ARID1A: variants seen among roughly 807,000 people sequenced by gnomAD.
ARID1A encodes AT-rich interactive domain-containing protein 1A.
Under a neutral mutation model 212.6 loss-of-function variants are expected in ARID1A, and 20 were observed. That is an observed-to-expected ratio of 0.09 (90% CI 0.07 to 0.14). ARID1A has a LOEUF of 0.14. Ranked by LOEUF, ARID1A falls within the 10% of genes least tolerant of loss-of-function variation. The probability of loss-of-function intolerance (pLI) is 1.00; values close to 1 mark genes in which losing one functional copy is unlikely to be tolerated. For missense variants in ARID1A, 2,587 were observed against 3,059.0 expected, an observed-to-expected ratio of 0.85 and a Z score of 3.64; for synonymous variants, 1,376 against 1,222.1, an observed-to-expected ratio of 1.13 and a Z score of -2.63.
chr1:26,733,530 T>A (rs76306464), intron 4 of ARID1A, among the ~76,000 whole-genome samples: 1 of 152,338 alleles, frequency 6.6e-6, no homozygotes, highest in East Asian at 1.9e-4. Flanking sequence ...TTTGTAATCA[T>A]CGCCTCAGAG....
chr1:26,754,029 A>G (rs1307143041), intron 4 of ARID1A, among the ~76,000 whole-genome samples: 1 of 152,064 alleles, frequency 6.6e-6, no homozygotes, highest in Non-Finnish European at 1.5e-5. Flanking sequence ...GGATGGTCTC[A>G]GTCTCCTGAC....
intron 1 of ARID1A, among the ~76,000 whole-genome samples, chr1:26,722,313 T>C (rs1389528082): frequency 1.3e-5 from 2 of 152,182 alleles, no homozygotes; most frequent in African/African-American, 4.8e-5. Context: ...TGGTGTGATC[T>C]CTGCTCACTA....
Position 26,780,504 on chromosome 1 carries a change from C to T in ARID1A, c.6606C>T (p.Ser2202=), listed in dbSNP as rs1277545892. 2 of 1,614,110 alleles carry T rather than the reference C, an allele frequency of 1.2e-6. No homozygotes were observed. The highest frequency in any genetic ancestry group is 1.3e-5 in the African/African-American group (1 of 74,942). ...IGNLLGFLED[S]LAATQFQQSQ... ...ACCTCCTGGGCTTCCTAGAGGACAG[C>T]CTTGCCGCCACACAGTTCCAGCAGA... is the stretch of plus-strand genomic sequence containing the variant. Residue 2202 remains serine, a synonymous_variant, in exon 20 of 20, where the codon AGC becomes AGT. Transcript: ENST00000324856. This position sits in a 1 kb window ranked among gnomAD's most constrained non-coding sequence, Gnocchi z 7.2.
At chr1:26,776,036 G>C (rs2081131784) in intron 19 of ARID1A, 2 of 406,494 alleles carry the variant, frequency 4.9e-6, no homozygotes, top group Admixed American at 3.2e-5. Flanking sequence ...TTTTTTAATA[G>C]AGACGAGGTC....
chr1:26,759,172 A>T (rs2080968164), intron 4 of ARID1A, among the ~76,000 whole-genome samples: 1 of 152,022 alleles, frequency 6.6e-6, no homozygotes, highest in Non-Finnish European at 1.5e-5. Context: ...CCTCCTTGAG[A>T]TGTGTGGTGT....
chr1:26,717,177 A>G (rs2080511720), intron 1 of ARID1A, among the ~76,000 whole-genome samples: 1 of 152,138 alleles, frequency 6.6e-6, no homozygotes, highest in South Asian at 2.1e-4. Flanking sequence ...GGTGCTTGAG[A>G]CTTGGACTGG....
intron 1 of ARID1A, among the ~76,000 whole-genome samples, chr1:26,723,461 G>A (rs2080585265): frequency 6.6e-6 from 1 of 152,186 alleles, no homozygotes; most frequent in Admixed American, 6.5e-5. Context: ...GTGCTGGCGG[G>A]GCCATGTGGC....
At position 26,729,788 on chromosome 1, in the gene ARID1A, G is replaced by T. The variant is rs2080655407; in HGVS notation, c.1275G>T (p.Gln425His). 1 of 1,614,128 alleles carries T rather than the reference G, an allele frequency of 6.2e-7. No individual in the cohort carries two copies. The highest frequency in any genetic ancestry group is 1.3e-5 in the African/African-American group (1 of 74,952). ...HGYPGQPYGS[Q>H]TPQRYPMTMQ... ...ACCCAGGGCAGCCATACGGGTCCCAGACCCCGCAGCGGTACCCGATGACCA... is the reference window on the plus strand; with the variant it reads ...ACCCAGGGCAGCCATACGGGTCCCATACCCCGCAGCGGTACCCGATGACCA... The change falls in exon 2 of 20, where the codon CAG (glutamine) becomes CAT (histidine). Residue 425 changes from glutamine (Q) to histidine (H), a missense_variant. Gln to His is a conservative substitution (Grantham distance 24). Transcript: ENST00000324856.
chr1:26,766,287 G>A lies in ARID1A; in HGVS notation c.2799G>A (p.Gly933=), dbSNP rs374337987. Reference sequence around the variant, plus strand: ...GAACTGGACCTCCTTATGGACAAGGGATTAATAGTATGGCTGGCATGATCA... The same window carrying A: ...GAACTGGACCTCCTTATGGACAAGGAATTAATAGTATGGCTGGCATGATCA... ...MMGTGPPYGQ[G]INSMAGMINP... The change falls in exon 9 of 20, where the codon GGG becomes GGA. Residue 933 remains glycine, a synonymous_variant. Transcript: ENST00000324856. 6.2e-7 allele frequency: 1 copy of A among 1,614,168 alleles called. No homozygotes were observed. Among genetic ancestry groups the A allele is most frequent in the East Asian group, 2.2e-5 (1 of 44,884 alleles).
At chr1:26,768,853 A>G (rs1008093473) in intron 11 of ARID1A, among the ~76,000 whole-genome samples, 1 of 152,144 alleles carries the variant, frequency 6.6e-6, no homozygotes, top group African/African-American at 2.4e-5. Context: ...CTGCTGTTGG[A>G]TCAGTTTGTG....
rs1239257150 is a variant in ARID1A, at chr1:26,772,842, C to G, written c.3570C>G (p.Ala1190=). ...SRSNSVGIQD[A]FNDGSDSTFQ... ...GCAATTCAGTTGGGATCCAGGATGC[C>G]TTTAATGATGGAAGTGACTCCACAT... Residue 1190 remains alanine (A), a synonymous_variant, in exon 14 of 20, where the codon GCC becomes GCG. Transcript: ENST00000324856. 14 of 1,614,118 alleles carry G rather than the reference C, an allele frequency of 8.7e-6. No individual in the cohort carries two copies. In the East Asian group the frequency reaches 3.1e-4, roughly 36 times the overall value.
intron 1 of ARID1A, among the ~76,000 whole-genome samples, chr1:26,715,192 G>A (rs1472408701): frequency 6.6e-6 from 1 of 152,048 alleles, no homozygotes; most frequent in Admixed American, 6.6e-5. Context: ...TTGTTTATTT[G>A]TTTGTTTGTT....
intron 1 of ARID1A, among the ~76,000 whole-genome samples, chr1:26,723,106 C>T (rs1180388334): frequency 6.6e-6 from 1 of 152,008 alleles, no homozygotes. Flanking sequence ...GGATAAGGGG[C>T]GTTAGATACA....
intron 7 of ARID1A, among the ~76,000 whole-genome samples, 154 bp from the exon 8 acceptor site, chr1:26,762,819 C>A (rs556084881): frequency 6.6e-6 from 1 of 152,132 alleles, no homozygotes; most frequent in Non-Finnish European, 1.5e-5. Context: ...CTTCTGGAAT[C>A]CCCCCCTTTT....
Position 26,775,660 on chromosome 1 carries a change from A to G in ARID1A, c.5077A>G (p.Ile1693Val), listed in dbSNP as rs2124126921. 1 of 1,614,214 alleles carries G rather than the reference A, an allele frequency of 6.2e-7. No individual in the cohort carries two copies. The highest frequency in any genetic ancestry group is 8.5e-7 in the Non-Finnish European group (1 of 1,180,040). ...CACATGGGCATTAGATACCATCAAC[A>G]TCCTGCTGTATGATGACAACAGCAT... ...ESTWALDTINILLYDDNSIMT... is the reference protein window; with the variant it reads ...ESTWALDTINVLLYDDNSIMT... Residue 1693 changes from isoleucine (I) to valine (V), a missense_variant, in exon 19 of 20, where the codon ATC becomes GTC. Physicochemically the swap from Ile to Val is conservative, Grantham distance 29. Around this residue, in one of 11 missense-constraint regions of ARID1A, gnomAD observed 890 missense variants for 1,098.2 expected, o/e 0.81. Coordinates refer to ENST00000324856, the MANE Select transcript of ARID1A (RefSeq NM_006015.6).
At chr1:26,753,919 G>T (rs1392132792) in intron 4 of ARID1A, among the ~76,000 whole-genome samples, 1 of 152,134 alleles carries the variant, frequency 6.6e-6, no homozygotes, top group South Asian at 2.1e-4. Flanking sequence ...CCATTCTCCT[G>T]CCTCAGCCTC....
chr1:26,779,432 G>A lies in ARID1A; in HGVS notation c.5534G>A (p.Arg1845Gln), dbSNP rs764024862. 63 of 1,614,000 alleles carry A rather than the reference G, an allele frequency of 3.9e-5. No individual in the cohort carries two copies. Among genetic ancestry groups the A allele is most frequent in the Non-Finnish European group, 5.1e-5 (60 of 1,180,028 alleles). The change falls in exon 20 of 20, where the codon CGG (arginine) becomes CAG (glutamine). Residue 1845 changes from arginine (R) to glutamine (Q), a missense_variant. This residue lies in a region of ARID1A where 890 missense variants were observed against 1,098.2 expected (regional missense o/e 0.81). Coordinates refer to ENST00000324856, the MANE Select transcript of ARID1A (RefSeq NM_006015.6). ...QEFDSGLLHW[R>Q]IGGGDTTEHI... is the part of the protein sequence containing the mutation. ...TTTGACAGTGGCCTGCTGCACTGGC[G>A]GATTGGTGGGGGGGACACCACTGAG...
chr1:26,779,403 G>C lies in ARID1A; in HGVS notation c.5505G>C (p.Gln1835His). 6.2e-7 allele frequency: 1 copy of C among 1,614,210 alleles called. No homozygotes were observed. Among genetic ancestry groups the C allele is most frequent in the Non-Finnish European group, 8.5e-7 (1 of 1,180,036 alleles). The change falls in exon 20 of 20, where the codon CAG (glutamine) becomes CAC (histidine). Residue 1835 changes from glutamine to histidine, a missense_variant. Gln to His is a conservative substitution (Grantham distance 24, BLOSUM62 0). Around this residue, in one of 11 missense-constraint regions of ARID1A, gnomAD observed 890 missense variants for 1,098.2 expected, o/e 0.81. Transcript: ENST00000324856. ...VDCSDKLGRV[Q>H]EFDSGLLHWR... ...GCTCAGATAAGCTTGGGCGTGTGCA[G>C]GAGTTTGACAGTGGCCTGCTGCACT...
intron 4 of ARID1A, among the ~76,000 whole-genome samples, chr1:26,743,979 G>C (rs1426895868): frequency 1.3e-5 from 2 of 152,098 alleles, no homozygotes; most frequent in East Asian, 3.9e-4. Flanking sequence ...TCTTTCTGAG[G>C]TTGGTGACCT....
Sources: allele counts gnomAD v4.1 joint callset (sites outside exome capture counted in the v4.1 genomes callset), GRCh38; gene constraint gnomAD v4.1.1; regional missense constraint gnomAD v4.1.1; non-coding constraint Gnocchi (gnomAD v3.1); transcripts MANE v1.5; gene names NCBI Gene and HGNC (gene_info 2026-07-23, HGNC 2026-07-21).